Variants in ITPR2 observed in about 807,000 individuals in gnomAD.
ITPR2 encodes the protein inositol 1,4,5-trisphosphate receptor type 2.
A neutral mutation model predicts 317.1 loss-of-function variants in ITPR2; 207 were observed. That is an observed-to-expected ratio of 0.65 (90% CI 0.58 to 0.73). ITPR2 has a LOEUF of 0.73. Among genes scored for constraint, ITPR2 ranks in the 30% least tolerant of loss-of-function variants. ITPR2 has a pLI of 0.00. For missense variants in ITPR2, 2,613 were observed against 3,284.0 expected (o/e 0.80, Z 4.99); for synonymous variants, 1,156 against 1,149.1 (o/e 1.01, Z -0.12).
intron 39 of ITPR2, among the ~76,000 whole-genome samples, chr12:26,489,469 C>T (rs1304372810): frequency 2.0e-5 from 3 of 152,158 alleles, no homozygotes; most frequent in East Asian, 3.8e-4. Context: ...CAGACTGCAT[C>T]GGTTTGAAAC....
In ITPR2 at chr12:26,336,911, T is replaced by A. The variant is rs1483252429; in HGVS notation, c.*2486A>T. 6.6e-6 allele frequency: 1 copy of A among 151,650 alleles called. No homozygotes were observed. Among genetic ancestry groups the A allele is most frequent in the Non-Finnish European group, 1.5e-5 (1 of 67,906 alleles). 9.4% of individuals were successfully genotyped at this position (151,650 alleles called of 1,614,324 possible). On this transcript the variant is annotated 3_prime_UTR_variant, in exon 57 of 57. Coordinates refer to ENST00000381340, the MANE Select transcript of ITPR2 (RefSeq NM_002223.4). ...AATGTCAAATTTCCCCATTATCTTC[T>A]CCTCTTCTTCATTAGGAATTTGATG...
intron 1 of ITPR2, among the ~76,000 whole-genome samples, chr12:26,826,384 G>A (rs1951009845): frequency 6.6e-6 from 1 of 152,078 alleles, no homozygotes; most frequent in Admixed American, 6.6e-5. Flanking sequence ...ACTATAATTG[G>A]GAATAGTAAA....
chr12:26,501,325 A>C (rs1943067146), intron 37 of ITPR2, among the ~76,000 whole-genome samples: 1 of 152,206 alleles, frequency 6.6e-6, no homozygotes, highest in Non-Finnish European at 1.5e-5. Flanking sequence ...TTCTCATTTC[A>C]ATACATTAAT....
rs539279393 is a variant in ITPR2 at position 26,813,925 on chromosome 12, A to G, written c.92+18765T>C. 3.3e-5 allele frequency among the ~76,000 whole-genome samples: 5 copies of G among 152,290 alleles called. No homozygotes were observed. The South Asian group carries it at 8.3e-4, about 25-fold the overall frequency. On this transcript the variant is annotated intron_variant, in intron 1 of 56. Coordinates refer to ENST00000381340, the MANE Select transcript of ITPR2 (RefSeq NM_002223.4). ...GTGATTTTATTTGGCCACAGTGTAC[A>G]TGTGTTGTCTCCGCCTATCCATCAT...
chr12:26,802,223 T>C (rs922626329), intron 1 of ITPR2, among the ~76,000 whole-genome samples: 3 of 151,782 alleles, frequency 2.0e-5, no homozygotes, highest in Middle Eastern at 3.2e-3. Flanking sequence ...CAGTTGAGCC[T>C]GGGAAGTGGA....
At chr12:26,680,592 T>C (rs951298247) in intron 13 of ITPR2, among the ~76,000 whole-genome samples, 1 of 152,218 alleles carries the variant, frequency 6.6e-6, no homozygotes, top group South Asian at 2.1e-4. Flanking sequence ...CAAAATTCTA[T>C]CAATCAAATA....
chr12:26,644,879 T>A (rs757267396), intron 21 of ITPR2, among the ~76,000 whole-genome samples: 3 of 152,168 alleles, frequency 2.0e-5, no homozygotes, highest in Non-Finnish European at 4.4e-5. Context: ...TCTATGGTAT[T>A]TTTGTTACAG....
At chr12:26,761,193 C>T (rs1224024689) in intron 2 of ITPR2, among the ~76,000 whole-genome samples, 1 of 152,206 alleles carries the variant, frequency 6.6e-6, no homozygotes, top group Non-Finnish European at 1.5e-5. Context: ...ACCTACTGAC[C>T]CAGGCACCAG....
chr12:26,557,822 T>C (rs1944705438), intron 35 of ITPR2, among the ~76,000 whole-genome samples: 1 of 152,216 alleles, frequency 6.6e-6, no homozygotes, highest in Non-Finnish European at 1.5e-5. Flanking sequence ...TCTTTAATGG[T>C]TAAAGCACCC....
At chr12:26,347,363 C>T (rs1026265617) in intron 55 of ITPR2, among the ~76,000 whole-genome samples, 1 of 152,192 alleles carries the variant, frequency 6.6e-6, no homozygotes, top group Non-Finnish European at 1.5e-5. Flanking sequence ...AAAGCAAGAA[C>T]TGTGGTTCTA....
At position 26,427,903 on chromosome 12, in the gene ITPR2, A is replaced by G. The variant is rs775398802; in HGVS notation, c.6945+10T>C. 1.4e-5 allele frequency: 22 copies of G among 1,534,364 alleles called. No homozygotes were observed. Among genetic ancestry groups the G allele is most frequent in the Middle Eastern group, 3.4e-4 (2 of 5,802 alleles). ...TTCTGTAACAGTACAAAGCTAAGTA[A>G]AGTACTTACATTAGCTGCACCAAGA... On this transcript the variant is annotated intron_variant, in intron 49 of 56. Coordinates refer to ENST00000381340, the MANE Select transcript of ITPR2 (RefSeq NM_002223.4).
At chr12:26,492,553 A>G (rs188807080) in intron 39 of ITPR2, among the ~76,000 whole-genome samples, 254 of 152,278 alleles carry the variant, frequency 1.7e-3, no homozygotes, top group African/African-American at 5.8e-3. Context: ...GAAAGTCCCA[A>G]TTGACAGAAC....
chr12:26,431,061 T>C (rs1361678932), intron 48 of ITPR2, among the ~76,000 whole-genome samples: 1 of 152,222 alleles, frequency 6.6e-6, no homozygotes, highest in Non-Finnish European at 1.5e-5. Context: ...TTTACTAATC[T>C]TTGTATTTTT....
chr12:26,586,731 T>C (rs1031248231), intron 32 of ITPR2, among the ~76,000 whole-genome samples: 12 of 152,194 alleles, frequency 7.9e-5, no homozygotes, highest in African/African-American at 2.2e-4. Context: ...ATATTCTACA[T>C]ACTTGAGATC....
intron 45 of ITPR2, among the ~76,000 whole-genome samples, chr12:26,466,362 C>T (rs1255593100): frequency 6.6e-6 from 1 of 152,188 alleles, no homozygotes; most frequent in African/African-American, 2.4e-5. Flanking sequence ...ATCAATTATA[C>T]TCTTGGTTAC....
intron 34 of ITPR2, among the ~76,000 whole-genome samples, chr12:26,565,025 C>T (rs1203604969): frequency 6.6e-6 from 1 of 152,094 alleles, no homozygotes; most frequent in Non-Finnish European, 1.5e-5. Flanking sequence ...CTAAAAGATC[C>T]AATACCTTTA....
Position 26,452,993 on chromosome 12 carries a change from T to C in ITPR2, c.6343-9343A>G, listed in dbSNP as rs187997573. ...GTAATATATAACAAATATATTAGTT[T>C]ATGAATTAATTTATATGTTTATTTT... On this transcript the variant is annotated intron_variant, in intron 45 of 56. Transcript: ENST00000381340. Among the ~76,000 whole-genome samples the C allele has an allele frequency of 5.9e-5, 9 of 152,284 alleles. No individual in the cohort carries two copies. The East Asian group carries it at 9.6e-4, about 16-fold the overall frequency.
At chr12:26,794,767 C>A (rs1490618477) in intron 1 of ITPR2, among the ~76,000 whole-genome samples, 1 of 152,160 alleles carries the variant, frequency 6.6e-6, no homozygotes, top group African/African-American at 2.4e-5. Flanking sequence ...AAATATTTTT[C>A]TCTTGCAGAT....
chr12:26,481,088 A>G (rs889501015), intron 43 of ITPR2, 43 bp downstream of exon 43: 2 of 1,127,896 alleles, frequency 1.8e-6, no homozygotes, highest in African/African-American at 3.1e-5. Context: ...ATTGTACTAT[A>G]GAGACTGTAG....
Sources: gnomAD v4.1 joint callset for allele counts (sites outside exome capture counted in the v4.1 genomes callset) on GRCh38, gnomAD v4.1.1 for gene constraint, MANE v1.5 for transcripts, NCBI Gene and HGNC (gene_info 2026-07-23, HGNC 2026-07-21) for gene names.